Variants in SF3A3 observed in about 807,000 individuals in gnomAD.
SF3A3 encodes splicing factor 3a subunit 3.
SF3A3 carries 9 observed loss-of-function variants against 85.8 expected under a neutral mutation model. The observed-to-expected ratio is 0.10, with a 90% CI of 0.06 to 0.18. The LOEUF is 0.18. Among genes scored for constraint, SF3A3 ranks in the 10% least tolerant of loss-of-function variants. SF3A3 has a pLI of 1.00. For synonymous variants in SF3A3, 195 were observed against 204.4 expected, an observed-to-expected ratio of 0.95 and a Z score of 0.39; for missense variants, 306 against 593.3, an observed-to-expected ratio of 0.52 and a Z score of 5.03.
intron 15 of SF3A3, among the ~76,000 whole-genome samples, chr1:37,966,284 T>C (rs925156827): frequency 4.6e-5 from 7 of 152,054 alleles, no homozygotes; most frequent in Non-Finnish European, 7.4e-5. Context: ...AAAATGTTAA[T>C]GGCAGAGAAA....
At chr1:37,960,015 C>T (rs146368858) in intron 16 of SF3A3, 105 bp downstream of exon 16, 54 of 772,424 alleles carry the variant, frequency 7.0e-5, no homozygotes, top group East Asian at 4.8e-4. Context: ...ACATTCTACT[C>T]GCTGCTGCAG....
At position 37,989,598 on chromosome 1, in the gene SF3A3, G is replaced by A. The variant is rs373898668; in HGVS notation, c.97-3C>T. 703 of 1,613,410 alleles carry A rather than the reference G, an allele frequency of 4.4e-4. 1 individual carries two copies. The highest frequency in any genetic ancestry group is 5.4e-4 in the Non-Finnish European group (634 of 1,179,854). ...TCAGAATTGATCTGGTCCCGGAGCT[G>A]AAAAAACAAACGGTGACACAAACGC... On this transcript the variant is annotated splice_region_variant and splice_polypyrimidine_tract_variant and intron_variant, in intron 1 of 16. Coordinates refer to ENST00000373019, the MANE Select transcript of SF3A3 (RefSeq NM_006802.4).
At chr1:37,960,252 C>G (rs1646248185) in intron 15 of SF3A3, 77 bp from the exon 16 acceptor site, 1 of 1,351,758 alleles carries the variant, frequency 7.4e-7, no homozygotes, top group Admixed American at 1.8e-5. Flanking sequence ...TCCTCTCTCC[C>G]TGCCATTAGG....
intron 8 of SF3A3, 124 bp from the exon 9 acceptor site, chr1:37,979,657 AC>A: frequency 1.7e-6 from 1 of 600,368 alleles, no homozygotes; most frequent in Non-Finnish European, 3.0e-6. Context: ...GGAGTTAGAG[AC>A]CAGGCAGGGA....
intron 2 of SF3A3, among the ~76,000 whole-genome samples, chr1:37,989,032 C>G (rs1361018793): frequency 1.3e-5 from 2 of 152,026 alleles, no homozygotes; most frequent in Non-Finnish European, 2.9e-5. Context: ...TGGCTCAAGC[C>G]TGTAATCTCA....
Position 37,966,470 on chromosome 1 carries a change from ATTAT to A in SF3A3, c.1372+1570_1372+1573del, listed in dbSNP as rs991891271. Among the ~76,000 whole-genome samples the A allele has an allele frequency of 2.4e-4, 36 of 152,298 alleles. No individual in the cohort carries two copies. In the Middle Eastern group the frequency reaches 0.01, roughly 43 times the overall value. On this transcript the variant is annotated intron_variant, in intron 15 of 16. Coordinates refer to ENST00000373019, the MANE Select transcript of SF3A3 (RefSeq NM_006802.4). ...TTCTATATTTTCCTTTATATCAGTC[ATTAT>A]TTAACACATTAAAATCAATTCAGAA... is the stretch of plus-strand genomic sequence containing the variant.
At position 37,960,111 on chromosome 1, in the gene SF3A3, AG is replaced by A; in HGVS notation, c.1428+8del. 1 of 1,612,978 alleles carries A rather than the reference AG, an allele frequency of 6.2e-7. No homozygotes were observed. Among genetic ancestry groups the A allele is most frequent in the Non-Finnish European group, 8.5e-7 (1 of 1,179,146 alleles). On this transcript the variant is annotated splice_region_variant and intron_variant, in intron 16 of 16. Transcript: ENST00000373019. ...CACTATCCCTAACACCATCCACATT[AG>A]TACCCACCTCAGTGTCAGGCTGCCA...
At chr1:37,980,542 C>A (rs748873847) in intron 8 of SF3A3, 44 bp downstream of exon 8, 2 of 1,597,376 alleles carry the variant, frequency 1.3e-6, no homozygotes, top group African/African-American at 1.3e-5. Flanking sequence ...ATAATTACTT[C>A]AATTCCCTGG....
chr1:37,972,141 T>C (rs997055187), intron 12 of SF3A3, among the ~76,000 whole-genome samples: 2 of 152,224 alleles, frequency 1.3e-5, no homozygotes, highest in Admixed American at 6.5e-5. Context: ...CTTAAGCTGA[T>C]AAGCAACTTC....
chr1:37,986,587 G>C (rs958405318), intron 4 of SF3A3, among the ~76,000 whole-genome samples: 1 of 151,934 alleles, frequency 6.6e-6, no homozygotes, highest in African/African-American at 2.4e-5. Flanking sequence ...CGAGGTGGGC[G>C]GATCACAAGG....
chr1:37,975,448 G>A (rs549827333), intron 12 of SF3A3, among the ~76,000 whole-genome samples: 5 of 152,098 alleles, frequency 3.3e-5, no homozygotes, highest in East Asian at 1.9e-4. Context: ...CCCAGGAGGC[G>A]GAGGTTGCAG....
Position 37,960,139 on chromosome 1 carries a change from C to G in SF3A3, c.1409G>C (p.Arg470Pro). 1 of 1,614,054 alleles carries G rather than the reference C, an allele frequency of 6.2e-7. No individual in the cohort carries two copies. The highest frequency in any genetic ancestry group is 1.7e-4 in the Middle Eastern group (1 of 6,044). Reference protein sequence around the residue: ...AKLKLQKASERWQPDTEEEYE... With the variant: ...AKLKLQKASEPWQPDTEEEYE... The stretch of plus-strand genomic sequence containing the variant: ...ACCCACCTCAGTGTCAGGCTGCCAT[C>G]GTTCTGAAGCCTTCTGCAATTTCAG... The change falls in exon 16 of 17, where the codon CGA (arginine) becomes CCA (proline). Residue 470 changes from arginine (R) to proline (P), a missense_variant. Transcript: ENST00000373019.
At chr1:37,964,423 G>C (rs1442000554) in intron 15 of SF3A3, among the ~76,000 whole-genome samples, 3 of 151,908 alleles carry the variant, frequency 2.0e-5, no homozygotes, top group African/African-American at 7.3e-5. Flanking sequence ...TGGCCAACAT[G>C]CTAAAACCCT....
intron 15 of SF3A3, among the ~76,000 whole-genome samples, chr1:37,963,872 T>TAA (rs771447218): frequency 0.74 from 60,240 of 81,400 alleles, 23,008 homozygotes; most frequent in Non-Finnish European, 0.81. Flanking sequence ...ATGATATTCT[T>TAA]AAAAAAAAAA....
chr1:37,973,553 A>C (rs1646358099), intron 12 of SF3A3, among the ~76,000 whole-genome samples: 1 of 152,252 alleles, frequency 6.6e-6, no homozygotes, highest in African/African-American at 2.4e-5. Flanking sequence ...ACCAGTTAGA[A>C]TGGCGATGAT....
At chr1:37,980,391 T>G (rs1646409551) in intron 8 of SF3A3, among the ~76,000 whole-genome samples, 195 bp downstream of exon 8, 1 of 150,210 alleles carries the variant, frequency 6.7e-6, no homozygotes, top group African/African-American at 2.5e-5. Flanking sequence ...GCCATTGTAC[T>G]CCAGCCTGGG....
At chr1:37,966,441 G>A (rs1646300876) in intron 15 of SF3A3, among the ~76,000 whole-genome samples, 2 of 151,932 alleles carry the variant, frequency 1.3e-5, no homozygotes, top group African/African-American at 4.8e-5. Flanking sequence ...CTTACTGAGG[G>A]TACTTCTATA....
chr1:37,986,824 A>AAG (rs1445553170), intron 4 of SF3A3, among the ~76,000 whole-genome samples: 1 of 151,282 alleles, frequency 6.6e-6, no homozygotes, highest in Non-Finnish European at 1.5e-5. Flanking sequence ...AAAAAAAAAA[A>AAG]AAAAAAAAGA....
chr1:37,976,785 C>G, intron 12 of SF3A3, 99 bp downstream of exon 12: 1 of 797,592 alleles, frequency 1.3e-6, no homozygotes, highest in Non-Finnish European at 2.2e-6. Flanking sequence ...GCTATCCACT[C>G]CTCTTTTGAA....
Sources: gnomAD v4.1 joint callset for allele counts (sites outside exome capture counted in the v4.1 genomes callset) on GRCh38, gnomAD v4.1.1 for gene constraint, MANE v1.5 for transcripts, NCBI Gene and HGNC (gene_info 2026-07-23, HGNC 2026-07-21) for gene names.